Variants in RAB11FIP4 observed in about 807,000 individuals in gnomAD.
RAB11FIP4 encodes RAB11 family interacting protein 4, also known as rab11 family-interacting protein 4.
A neutral mutation model predicts 74.3 loss-of-function variants in RAB11FIP4; 23 were observed. That is an observed-to-expected ratio of 0.31 (90% CI 0.22 to 0.44). The LOEUF is 0.44. Among genes scored for constraint, RAB11FIP4 ranks in the 20% least tolerant of loss-of-function variants. The probability of loss-of-function intolerance (pLI) is 1.00; values close to 1 mark genes in which losing one functional copy is unlikely to be tolerated. For synonymous variants in RAB11FIP4, 360 were observed against 359.9 expected (o/e 1.00, Z 0.00); for missense variants, 630 against 863.9 (o/e 0.73, Z 3.39).
At chr17:31,415,540 C>A (rs1034712006) in intron 1 of RAB11FIP4, among the ~76,000 whole-genome samples, 1 of 152,202 alleles carries the variant, frequency 6.6e-6, no homozygotes, top group Non-Finnish European at 1.5e-5. Context: ...CTTCCTCCCC[C>A]CAATCCCCAT....
At chr17:31,482,447 T>C (rs1018086253) in intron 3 of RAB11FIP4, among the ~76,000 whole-genome samples, 3 of 151,878 alleles carry the variant, frequency 2.0e-5, no homozygotes, top group Non-Finnish European at 2.9e-5. Flanking sequence ...AAAAGTTAGC[T>C]AAGTGTGGTG....
At chr17:31,403,956 C>T (rs999306091) in intron 1 of RAB11FIP4, among the ~76,000 whole-genome samples, 18 of 152,152 alleles carry the variant, frequency 1.2e-4, no homozygotes, top group East Asian at 1.9e-4. Flanking sequence ...GCAGGATGGG[C>T]GGCCAGGGGC....
At chr17:31,441,981 C>G (rs1214579377) in intron 3 of RAB11FIP4, among the ~76,000 whole-genome samples, 1 of 151,766 alleles carries the variant, frequency 6.6e-6, no homozygotes, top group Non-Finnish European at 1.5e-5. Flanking sequence ...ATACCAGTTT[C>G]TTATTGTTGG....
intron 3 of RAB11FIP4, among the ~76,000 whole-genome samples, chr17:31,435,700 G>A (rs949250933): frequency 6.6e-6 from 1 of 152,216 alleles, no homozygotes; most frequent in Admixed American, 6.5e-5. Flanking sequence ...TGGGGTCAGG[G>A]TTAGGTTCCC....
intron 11 of RAB11FIP4, among the ~76,000 whole-genome samples, 163 bp downstream of exon 11, chr17:31,528,086 G>A (rs927741974): frequency 5.3e-5 from 8 of 152,184 alleles, no homozygotes; most frequent in Admixed American, 1.3e-4. Flanking sequence ...TTTCTACAGC[G>A]AATGTATTTA....
chr17:31,451,894 G>T (rs2071530789), intron 3 of RAB11FIP4, among the ~76,000 whole-genome samples: 1 of 151,510 alleles, frequency 6.6e-6, no homozygotes, highest in South Asian at 2.1e-4. Flanking sequence ...TTAGCTGCAT[G>T]TTTTTTTAAT....
At chr17:31,524,404 CT>C in intron 9 of RAB11FIP4, 1 of 195,972 alleles carries the variant, frequency 5.1e-6, no homozygotes, top group East Asian at 1.3e-4. Flanking sequence ...TGGAGGTCCC[CT>C]GAGCCTGCCG....
chr17:31,475,902 C>A (rs972475573), intron 3 of RAB11FIP4, among the ~76,000 whole-genome samples: 1 of 149,766 alleles, frequency 6.7e-6, no homozygotes, highest in Admixed American at 6.7e-5. Flanking sequence ...GAGAAAATAA[C>A]GACTGAGTGT....
At chr17:31,463,607 G>A (rs1230960254) in intron 3 of RAB11FIP4, among the ~76,000 whole-genome samples, 1 of 152,084 alleles carries the variant, frequency 6.6e-6, no homozygotes, top group East Asian at 1.9e-4. Context: ...AGGCTCAAGC[G>A]AATCTCCTGC....
chr17:31,402,767 G>A (rs147793345), intron 1 of RAB11FIP4, among the ~76,000 whole-genome samples: 2,166 of 151,572 alleles, frequency 0.014, 53 homozygotes, highest in African/African-American at 0.049. Context: ...GACTACAGGC[G>A]CCCACCATCA....
intron 3 of RAB11FIP4, among the ~76,000 whole-genome samples, chr17:31,490,510 T>C (rs1034655306): frequency 6.6e-6 from 1 of 151,944 alleles, no homozygotes; most frequent in Non-Finnish European, 1.5e-5. Flanking sequence ...AAGGGCATGC[T>C]GTTTCCTGGC....
At chr17:31,529,089 G>A (rs980620288) in intron 13 of RAB11FIP4, among the ~76,000 whole-genome samples, 3 of 142,672 alleles carry the variant, frequency 2.1e-5, no homozygotes, top group African/African-American at 8.2e-5. Context: ...CCTCACCCAA[G>A]GTTCCTTTTT....
rs1597907339 is a variant in RAB11FIP4, at chr17:31,421,503, G to A, written c.160-10310G>A. ...AAAAGCTCTGGGATTACAAACGTGA[G>A]CCACTGAGCCCTGAGACTGATTTTT... On this transcript the variant is annotated intron_variant, in intron 1 of 14. Transcript: ENST00000621161. Among the ~76,000 whole-genome samples the A allele has an allele frequency of 2.0e-5, 3 of 149,580 alleles. No homozygotes were observed. In the East Asian group the frequency reaches 5.9e-4, roughly 29 times the overall value.
chr17:31,417,942 T>C (rs1281280513), intron 1 of RAB11FIP4, among the ~76,000 whole-genome samples: 3 of 151,988 alleles, frequency 2.0e-5, no homozygotes, highest in Non-Finnish European at 2.9e-5. Context: ...CTACAAAAAA[T>C]TAGCCAGGTG....
intron 3 of RAB11FIP4, among the ~76,000 whole-genome samples, chr17:31,488,715 G>T (rs1399057268): frequency 6.6e-6 from 1 of 152,244 alleles, no homozygotes; most frequent in Non-Finnish European, 1.5e-5. Flanking sequence ...CTGGGATGGT[G>T]GAGGTGGGGA....
chr17:31,505,787 C>A (rs1166748784), intron 3 of RAB11FIP4, among the ~76,000 whole-genome samples: 1 of 142,286 alleles, frequency 7.0e-6, no homozygotes, highest in Non-Finnish European at 1.5e-5. Context: ...CTCACTGTAT[C>A]CTCGAACTCG....
At chr17:31,462,276 A>G (rs1170187706) in intron 3 of RAB11FIP4, among the ~76,000 whole-genome samples, 2 of 136,976 alleles carry the variant, frequency 1.5e-5, no homozygotes, top group Admixed American at 6.7e-5. Context: ...AAAAAAAACA[A>G]AAAACAAAAA....
rs377477595 is a variant in RAB11FIP4 at position 31,398,577 on chromosome 17, A to G, written c.159+6566A>G. On this transcript the variant is annotated intron_variant, in intron 1 of 14. Transcript: ENST00000621161. ...ATCAGCAAGACGTGCCCTCCGAGGG[A>G]TATCAGTGGGTAGAGAACCTTGAAC... 4.2e-4 allele frequency among the ~76,000 whole-genome samples: 64 copies of G among 152,216 alleles called. 1 individual carries two copies. In the South Asian group the frequency reaches 0.013, roughly 32 times the overall value.
chr17:31,496,496 T>C (rs781319060), intron 3 of RAB11FIP4, among the ~76,000 whole-genome samples: 1 of 152,248 alleles, frequency 6.6e-6, no homozygotes, highest in Non-Finnish European at 1.5e-5. Context: ...CAAGGGCTTC[T>C]TGACTCAGTT....
Sources: allele counts gnomAD v4.1 joint callset (sites outside exome capture counted in the v4.1 genomes callset), GRCh38; gene constraint gnomAD v4.1.1; transcripts MANE v1.5; gene names NCBI Gene and HGNC (gene_info 2026-07-23, HGNC 2026-07-21).